Variants in GLCCI1 observed in about 807,000 individuals in gnomAD.
The protein encoded by GLCCI1 is glucocorticoid-induced transcript 1 protein.
In GLCCI1, 24 loss-of-function variants were observed where a neutral mutation model predicts 52.2. That is an observed-to-expected ratio of 0.46 (90% confidence interval 0.33 to 0.65). GLCCI1 has a LOEUF of 0.65. Ranked by LOEUF, GLCCI1 falls within the 30% of genes least tolerant of loss-of-function variation. The pLI, the probability that GLCCI1 is intolerant of heterozygous loss-of-function variation, is 0.02. For missense variants in GLCCI1, 704 were observed against 701.5 expected, an observed-to-expected ratio of 1.00 and a Z score of -0.04; for synonymous variants, 310 against 276.5, an observed-to-expected ratio of 1.12 and a Z score of -1.20.
Position 8,004,024 on chromosome 7 carries a change from C to T in GLCCI1, c.574C>T (p.His192Tyr), listed in dbSNP as rs1781099345. 5 of 1,613,616 alleles carry T rather than the reference C, an allele frequency of 3.1e-6. No homozygotes were observed. The highest frequency in any genetic ancestry group is 2.2e-5 in the South Asian group (2 of 91,042). Residue 192 changes from histidine to tyrosine, a missense_variant, in exon 2 of 8, where the codon CAC becomes TAC. Transcript: ENST00000223145. ...ACAGTGGCCACGGGATCCTCATGTT[C>T]ACTACCCTTCATGCATGAAAGACAA... is the stretch of plus-strand genomic sequence containing the variant. Reference protein sequence around the residue: ...TGQWPRDPHVHYPSCMKDKAT... With the variant: ...TGQWPRDPHVYYPSCMKDKAT...
intron 5 of GLCCI1, among the ~76,000 whole-genome samples, chr7:8,062,046 G>A (rs941142790): frequency 3.3e-5 from 5 of 152,110 alleles, no homozygotes; most frequent in African/African-American, 1.2e-4. Flanking sequence ...CTAATTTTTA[G>A]AGGATGAGAT....
chr7:8,082,565 C>G (rs993138814), intron 6 of GLCCI1, among the ~76,000 whole-genome samples: 2 of 152,048 alleles, frequency 1.3e-5, no homozygotes, highest in African/African-American at 2.4e-5. Context: ...CAAGCTTTGC[C>G]TTTCCAGACC....
chr7:8,060,890 G>C (rs1021397337), intron 5 of GLCCI1, among the ~76,000 whole-genome samples: 2 of 152,084 alleles, frequency 1.3e-5, no homozygotes, highest in Non-Finnish European at 2.9e-5. Context: ...TTGAGGAACT[G>C]CCAGACTCTT....
chr7:8,088,770 TGTG>T lies in GLCCI1; in HGVS notation c.*2233_*2235del, dbSNP rs2127971429. On this transcript the variant is annotated 3_prime_UTR_variant, in exon 8 of 8. Coordinates refer to ENST00000223145, the MANE Select transcript of GLCCI1 (RefSeq NM_138426.4). The stretch of plus-strand genomic sequence containing the variant: ...TTCTCATGAGATACTAAATATTAAT[TGTG>T]TTGTACATTTGTTCTTAGCATATAT... The T allele has an allele frequency of 6.5e-6, 1 of 152,756 alleles. No homozygotes were observed. The highest frequency in any genetic ancestry group is 1.9e-4 in the East Asian group (1 of 5,184). The allele number at this position is 152,756 out of a possible 1,614,324, so 9.5% of individuals were successfully genotyped here.
intron 5 of GLCCI1, among the ~76,000 whole-genome samples, chr7:8,067,038 G>T (rs536653384): frequency 2.0e-5 from 3 of 152,164 alleles, no homozygotes; most frequent in Non-Finnish European, 4.4e-5. Context: ...AGGTCTCTGA[G>T]AACTTGTTTT....
At chr7:8,068,371 G>A (rs775444740) in intron 5 of GLCCI1, among the ~76,000 whole-genome samples, 11 of 152,068 alleles carry the variant, frequency 7.2e-5, no homozygotes, top group East Asian at 1.9e-4. Flanking sequence ...AAAAAATTTC[G>A]TCTTAGTTCA....
intron 6 of GLCCI1, among the ~76,000 whole-genome samples, chr7:8,074,670 G>A (rs920865828): frequency 3.3e-5 from 5 of 152,088 alleles, no homozygotes; most frequent in Admixed American, 2.6e-4. Context: ...GGGCAACAGA[G>A]CAAGAGTCCA....
In GLCCI1 at chr7:7,981,258, C is replaced by CTT. The variant is rs1332928726; in HGVS notation, c.457+11452_457+11453insTT. The CTT allele has an allele frequency of 2.1e-3, 528 of 246,590 alleles. 3 individuals carry two copies. Among genetic ancestry groups the CTT allele is most frequent in the African/African-American group, 0.01 (413 of 41,056 alleles). The allele number at this position is 246,590 out of a possible 1,614,324, so 15.3% of individuals were successfully genotyped here. ...CTGTTATTTCTTTCTTTCTTTCTTTCTCTTTTTTTCTTTCTTTCTTTCTTT... is the reference window on the plus strand; with the variant it reads ...CTGTTATTTCTTTCTTTCTTTCTTTCTTTCTTTTTTTCTTTCTTTCTTTCTTT... On this transcript the variant is annotated intron_variant, in intron 1 of 7. Coordinates refer to ENST00000223145, the MANE Select transcript of GLCCI1 (RefSeq NM_138426.4).
At chr7:8,003,401 AGCATGGGATTATG>A (rs1562423663) in intron 1 of GLCCI1, among the ~76,000 whole-genome samples, 1 of 152,246 alleles carries the variant, frequency 6.6e-6, no homozygotes. Context: ...TGTGACGCTT[AGCATGGGATTATG>A]GAGTAGTAAG....
chr7:8,076,300 A>T (rs1418397111), intron 6 of GLCCI1, among the ~76,000 whole-genome samples: 3 of 152,206 alleles, frequency 2.0e-5, no homozygotes, highest in African/African-American at 7.2e-5. Context: ...GGATGCGTTT[A>T]TCAAAATATT....
rs1468562283 is a variant in GLCCI1 at position 8,087,250 on chromosome 7, G to C, written c.*712G>C. 2 of 152,644 alleles carry C rather than the reference G, an allele frequency of 1.3e-5. No individual in the cohort carries two copies. Among genetic ancestry groups the C allele is most frequent in the African/African-American group, 4.8e-5 (2 of 41,458 alleles). 9.5% of individuals were successfully genotyped at this position (152,644 alleles called of 1,614,324 possible). ...GAGAATGATAATCCTGGACATGGGT[G>C]AACATGAGGAGAACCAGCAAAATCT... On this transcript the variant is annotated 3_prime_UTR_variant, in exon 8 of 8. Transcript: ENST00000223145.
rs540884544 is a variant in GLCCI1, at chr7:8,033,206, T to C, written c.696+10637T>C. 4.0e-5 allele frequency among the ~76,000 whole-genome samples: 6 copies of C among 150,106 alleles called. No individual in the cohort carries two copies. The South Asian group carries it at 1.3e-3, about 31-fold the overall frequency. On this transcript the variant is annotated intron_variant, in intron 3 of 7. Coordinates refer to ENST00000223145, the MANE Select transcript of GLCCI1 (RefSeq NM_138426.4). ...AACATTTGACAATATTCAACAGTCA[T>C]TCATGATTAAAAAAAAAAATCAACA...
chr7:8,060,833 A>G (rs574135182), intron 5 of GLCCI1, among the ~76,000 whole-genome samples: 5 of 152,280 alleles, frequency 3.3e-5, no homozygotes, highest in African/African-American at 9.6e-5. Flanking sequence ...TCTTGGGTAT[A>G]TACCTAGGGT....
intron 6 of GLCCI1, among the ~76,000 whole-genome samples, chr7:8,072,360 C>A (rs1161865101): frequency 6.6e-6 from 1 of 151,918 alleles, no homozygotes; most frequent in Non-Finnish European, 1.5e-5. Context: ...ACAGTTCTCC[C>A]CTTTCTTGTT....
At chr7:7,987,362 G>A (rs184116034) in intron 1 of GLCCI1, among the ~76,000 whole-genome samples, 48 of 152,216 alleles carry the variant, frequency 3.2e-4, no homozygotes, top group Non-Finnish European at 5.7e-4. Context: ...AGAGAAGTGT[G>A]GCTTTCTTTG....
chr7:8,072,423 A>G (rs1258343275), intron 6 of GLCCI1, among the ~76,000 whole-genome samples: 1 of 152,118 alleles, frequency 6.6e-6, no homozygotes, highest in East Asian at 1.9e-4. Context: ...TTAAGGATAT[A>G]TTGAATATAG....
rs372255402 is a variant in GLCCI1 at position 8,055,593 on chromosome 7, C to T, written c.813+44C>T. The T allele has an allele frequency of 8.0e-6, 9 of 1,129,172 alleles. No homozygotes were observed. The African/African-American group carries it at 1.4e-4, about 17-fold the overall frequency. 69.9% of individuals were successfully genotyped at this position (1,129,172 alleles called of 1,614,324 possible). On this transcript the variant is annotated intron_variant, in intron 4 of 7. Coordinates refer to ENST00000223145, the MANE Select transcript of GLCCI1 (RefSeq NM_138426.4). ...CAGATTTGAATAATTACTTTTAGTT[C>T]ATTAAGGAAGGGAATTCATCATTTC...
At chr7:8,015,768 A>G (rs1450689609) in intron 2 of GLCCI1, among the ~76,000 whole-genome samples, 2 of 152,186 alleles carry the variant, frequency 1.3e-5, no homozygotes, top group African/African-American at 4.8e-5. Context: ...TAAAATTACC[A>G]AAGTCAAAAT....
intron 1 of GLCCI1, among the ~76,000 whole-genome samples, chr7:7,972,777 A>C (rs1357118356): frequency 6.6e-6 from 1 of 152,146 alleles, no homozygotes; most frequent in African/African-American, 2.4e-5. Context: ...ATATTAATTT[A>C]TACAACCCAG....
Sources: gnomAD v4.1 joint callset for allele counts (sites outside exome capture counted in the v4.1 genomes callset) on GRCh38, gnomAD v4.1.1 for gene constraint, MANE v1.5 for transcripts, NCBI Gene and HGNC (gene_info 2026-07-23, HGNC 2026-07-21) for gene names.